SNTG2: variants seen among roughly 807,000 people sequenced by gnomAD.
SNTG2 encodes the protein syntrophin gamma 2, also known as gamma-2-syntrophin.
SNTG2 carries 74 observed loss-of-function variants against 70.9 expected under a neutral mutation model. The ratio of observed to expected loss-of-function variants is 1.04; its 90% CI spans 0.86 to 1.27. SNTG2 has a LOEUF of 1.27. Ranked by LOEUF, SNTG2 falls within the 50% of genes most tolerant of loss-of-function variation. SNTG2 has a pLI of 0.00. For synonymous variants in SNTG2, 278 were observed against 273.8 expected, an observed-to-expected ratio of 1.02 and a Z score of -0.15; for missense variants, 717 against 690.7, an observed-to-expected ratio of 1.04 and a Z score of -0.43.
chr2:1,237,303 A>T (rs2148103096), intron 9 of SNTG2, among the ~76,000 whole-genome samples: 1 of 152,336 alleles, frequency 6.6e-6, no homozygotes, highest in Middle Eastern at 3.4e-3. Context: ...TCTCTTTTGC[A>T]AATAGGCATA....
At chr2:988,957 TTTG>T (rs1661414079) in intron 1 of SNTG2, among the ~76,000 whole-genome samples, 1 of 152,244 alleles carries the variant, frequency 6.6e-6, no homozygotes, top group African/African-American at 2.4e-5. Context: ...TTGCACATAT[TTTG>T]TTAAGTTTAT....
chr2:954,173 A>T (rs1041058862), intron 1 of SNTG2, among the ~76,000 whole-genome samples: 1 of 152,136 alleles, frequency 6.6e-6, no homozygotes, highest in Non-Finnish European at 1.5e-5. Context: ...GCTGCTGGGC[A>T]TGGGGCGGAC....
At chr2:1,279,114 C>T (rs185741017) in intron 14 of SNTG2, among the ~76,000 whole-genome samples, 22 of 149,354 alleles carry the variant, frequency 1.5e-4, no homozygotes, top group Admixed American at 1.0e-3. Flanking sequence ...CCTGTCAGCG[C>T]GCGAATCACC....
At chr2:1,250,404 T>G (rs1180960966) in intron 12 of SNTG2, among the ~76,000 whole-genome samples, 2 of 152,060 alleles carry the variant, frequency 1.3e-5, no homozygotes, top group African/African-American at 4.8e-5. Context: ...TCTGTCTCTA[T>G]TTATATCTCT....
chr2:1,011,998 A>C (rs1659741861), intron 1 of SNTG2, among the ~76,000 whole-genome samples: 1 of 152,232 alleles, frequency 6.6e-6, no homozygotes, highest in African/African-American at 2.4e-5. Flanking sequence ...TATTTCAAAT[A>C]TTGACTTAGA....
chr2:1,060,125 G>T (rs967756719), intron 1 of SNTG2, among the ~76,000 whole-genome samples: 2 of 152,142 alleles, frequency 1.3e-5, no homozygotes, highest in African/African-American at 2.4e-5. Context: ...GTGTAGGAAA[G>T]ATGTTTAACA....
chr2:1,020,181 T>C (rs1660084380), intron 1 of SNTG2, among the ~76,000 whole-genome samples: 1 of 152,210 alleles, frequency 6.6e-6, no homozygotes, highest in Admixed American at 6.5e-5. Flanking sequence ...TAAAATCCCA[T>C]TTTATACACA....
chr2:1,267,252 C>T, intron 13 of SNTG2, 113 bp from the exon 14 acceptor site: 1 of 989,626 alleles, frequency 1.0e-6, no homozygotes, highest in South Asian at 1.6e-5. Flanking sequence ...TGTCTGCACC[C>T]AGGAGACCGT....
chr2:990,312 C>G (rs1661449661), intron 1 of SNTG2, among the ~76,000 whole-genome samples: 1 of 152,214 alleles, frequency 6.6e-6, no homozygotes, highest in Admixed American at 6.5e-5. Flanking sequence ...AGAGGCATCT[C>G]AGTCAGCCCA....
chr2:1,115,047 TC>T (rs1181026785), intron 4 of SNTG2, among the ~76,000 whole-genome samples: 1 of 152,030 alleles, frequency 6.6e-6, no homozygotes, highest in Admixed American at 6.6e-5. Flanking sequence ...ACGCTTACAG[TC>T]CTTTGAGAAG....
intron 1 of SNTG2, among the ~76,000 whole-genome samples, chr2:961,472 G>T (rs1247981100): frequency 6.6e-6 from 1 of 152,146 alleles, no homozygotes; most frequent in Non-Finnish European, 1.5e-5. Context: ...ACAGCTGCTG[G>T]GAGTTAACAC....
At chr2:1,337,474 C>A (rs1572999546) in intron 16 of SNTG2, among the ~76,000 whole-genome samples, 1 of 152,152 alleles carries the variant, frequency 6.6e-6, no homozygotes, top group Non-Finnish European at 1.5e-5. Flanking sequence ...GCTTATTGGA[C>A]ACTTCTATAT....
chr2:1,341,768 A>C (rs1660103300), intron 16 of SNTG2: 1 of 152,120 alleles, frequency 6.6e-6, no homozygotes, highest in African/African-American at 2.4e-5. Flanking sequence ...TGGGGCCCTC[A>C]GCACATCCAT....
intron 16 of SNTG2, among the ~76,000 whole-genome samples, chr2:1,328,882 C>T (rs1263826011): frequency 6.6e-6 from 1 of 150,838 alleles, no homozygotes. Flanking sequence ...CACATGCACA[C>T]GCATACACAC....
At chr2:1,131,267 G>T (rs899469730) in intron 4 of SNTG2, among the ~76,000 whole-genome samples, 1 of 152,094 alleles carries the variant, frequency 6.6e-6, no homozygotes, top group Admixed American at 6.6e-5. Flanking sequence ...GTCTGTGTTC[G>T]GCTAGTGTTT....
chr2:1,190,854 T>C (rs566950861), intron 8 of SNTG2, among the ~76,000 whole-genome samples: 1 of 152,262 alleles, frequency 6.6e-6, no homozygotes, highest in East Asian at 1.9e-4. Flanking sequence ...ATGGGAATAC[T>C]CATTCATAGA....
chr2:1,222,095 GTCTC>G (rs1553362250), intron 9 of SNTG2, among the ~76,000 whole-genome samples: 144 of 6,978 alleles, frequency 0.021, 24 homozygotes, highest in Non-Finnish European at 0.026. Flanking sequence ...GTCTCTCTCT[GTCTC>G]TCTCTGTCTC....
At chr2:1,308,068 G>T (rs565255199) in intron 14 of SNTG2, among the ~76,000 whole-genome samples, 1 of 152,188 alleles carries the variant, frequency 6.6e-6, no homozygotes, top group Non-Finnish European at 1.5e-5. Flanking sequence ...GGAAAGTGCC[G>T]CTTCCAGCTT....
At chr2:1,346,655 C>G (rs1268800728) in intron 16 of SNTG2, 4 of 152,228 alleles carry the variant, frequency 2.6e-5, no homozygotes, top group African/African-American at 9.7e-5. Flanking sequence ...TGACTGCGAC[C>G]TGGGGACACA....
Sources: gnomAD v4.1 joint callset for allele counts (sites outside exome capture counted in the v4.1 genomes callset) on GRCh38, gnomAD v4.1.1 for gene constraint, MANE v1.5 for transcripts, NCBI Gene and HGNC (gene_info 2026-07-23, HGNC 2026-07-21) for gene names.